PCNX1: variants seen among roughly 807,000 people sequenced by gnomAD.
PCNX1 encodes pecanex 1.
PCNX1 carries 78 observed loss-of-function variants against 242.2 expected under a neutral mutation model. The ratio of observed to expected loss-of-function variants is 0.32; its 90% CI spans 0.27 to 0.39. PCNX1 has a LOEUF of 0.39. Ranked by LOEUF, PCNX1 falls within the 10% of genes least tolerant of loss-of-function variation. PCNX1 has a pLI of 1.00. For synonymous variants in PCNX1, 1,024 were observed against 1,032.9 expected (o/e 0.99, Z 0.17); for missense variants, 2,581 against 2,856.5 (o/e 0.90, Z 2.20).
intron 13 of PCNX1, among the ~76,000 whole-genome samples, 196 bp downstream of exon 13, chr14:71,023,428 T>C (rs188797700): frequency 6.6e-6 from 1 of 152,234 alleles, no homozygotes; most frequent in African/African-American, 2.4e-5. Flanking sequence ...AAAATGACAT[T>C]GTACTTGTGG....
At chr14:71,055,793 A>G (rs1261968712) in intron 25 of PCNX1, among the ~76,000 whole-genome samples, 2 of 152,242 alleles carry the variant, frequency 1.3e-5, no homozygotes, top group Non-Finnish European at 2.9e-5. Flanking sequence ...TAAGAATGAA[A>G]AATTCCATTC....
At chr14:70,996,179 T>C (rs1035589945) in intron 8 of PCNX1, among the ~76,000 whole-genome samples, 4 of 152,134 alleles carry the variant, frequency 2.6e-5, no homozygotes, top group African/African-American at 9.7e-5. Flanking sequence ...TAATATATGT[T>C]CACACTCAAT....
intron 1 of PCNX1, among the ~76,000 whole-genome samples, chr14:70,926,087 C>T (rs2056581587): frequency 6.6e-6 from 1 of 152,074 alleles, no homozygotes; most frequent in South Asian, 2.1e-4. Flanking sequence ...CCTTCTTGAC[C>T]AACATATTAT....
In PCNX1 at chr14:71,047,738, T is replaced by A. The variant is rs1206505588; in HGVS notation, c.4161-69T>A. 6.1e-6 allele frequency: 8 copies of A among 1,313,594 alleles called. No individual in the cohort carries two copies. The Admixed American group carries it at 1.7e-4, about 28-fold the overall frequency. 81.4% of individuals were successfully genotyped at this position (1,313,594 alleles called of 1,614,324 possible). On this transcript the variant is annotated intron_variant, in intron 21 of 35. Transcript: ENST00000304743. The stretch of plus-strand genomic sequence containing the variant: ...AGCTTAGTAAAGTAAATGGTGAATT[T>A]TATTTTAAGTTACTGTCTCTTCTAA...
rs76961858 is a variant in PCNX1, at chr14:70,907,669, C to T, written c.-182C>T. On this transcript the variant is annotated 5_prime_UTR_variant, in exon 1 of 36. Coordinates refer to ENST00000304743, the MANE Select transcript of PCNX1 (RefSeq NM_014982.3). The stretch of plus-strand genomic sequence containing the variant: ...TCCTCCTCTCGGGTCTCCTCCTCCT[C>T]GTTTGCTGCCTCCTCCTCCTCCTGC... 0.017 allele frequency: 10,763 copies of T among 644,952 alleles called. 352 individuals carry two copies. Among genetic ancestry groups the T allele is most frequent in the African/African-American group, 0.11 (5,800 of 51,582 alleles). The allele number at this position is 644,952 out of a possible 1,614,324, so 40.0% of individuals were successfully genotyped here.
In PCNX1 at chr14:70,924,029, G is replaced by A. The variant is rs118132876; in HGVS notation, c.153+16026G>A. 6.7e-3 allele frequency among the ~76,000 whole-genome samples: 1,015 copies of A among 152,072 alleles called. 12 individuals carry two copies. The highest frequency in any genetic ancestry group is 8.3e-3 in the Non-Finnish European group (563 of 67,952). On this transcript the variant is annotated intron_variant, in intron 1 of 35. Transcript: ENST00000304743. ...GCAGATTGCTTGAGTCCAGGAGTTC[G>A]AGACTAGCCTGGGCTCTATGGGGAA...
At chr14:70,952,693 T>C (rs953854125) in intron 2 of PCNX1, among the ~76,000 whole-genome samples, 3 of 152,164 alleles carry the variant, frequency 2.0e-5, no homozygotes, top group African/African-American at 7.2e-5. Context: ...GAATAGACCA[T>C]AGTCTATTTA....
Position 71,108,693 on chromosome 14 carries a change from T to C in PCNX1, c.6391T>C (p.Tyr2131His), listed in dbSNP as rs2062688232. 4 of 1,614,116 alleles carry C rather than the reference T, an allele frequency of 2.5e-6. No individual in the cohort carries two copies. The highest frequency in any genetic ancestry group is 2.7e-5 in the African/African-American group (2 of 74,948). Residue 2131 changes from tyrosine (Y) to histidine (H), a missense_variant, in exon 34 of 36, where the codon TAT becomes CAT. Tyr to His is a moderately conservative substitution (Grantham distance 83). Coordinates refer to ENST00000304743, the MANE Select transcript of PCNX1 (RefSeq NM_014982.3). ...ASVASQSSYC[Y>H]SSRHSSLRMS... ...AGTAGCCAGCCAGTCTTCCTACTGCTATAGCAGCCGGCATTCATCCCTCCG... is the reference window on the plus strand; with the variant it reads ...AGTAGCCAGCCAGTCTTCCTACTGCCATAGCAGCCGGCATTCATCCCTCCG...
intron 24 of PCNX1, among the ~76,000 whole-genome samples, chr14:71,052,477 T>TGTTA (rs1469915183): frequency 6.6e-6 from 1 of 152,204 alleles, no homozygotes; most frequent in East Asian, 1.9e-4. Context: ...CCTCCCAAAG[T>TGTTA]GTTAGGATCA....
rs771015096 is a variant in PCNX1 at position 70,988,641 on chromosome 14, C to T, written c.2386C>T (p.Arg796Trp). 4 of 1,614,054 alleles carry T rather than the reference C, an allele frequency of 2.5e-6. No homozygotes were observed. The South Asian group carries it at 3.3e-5, about 13-fold the overall frequency. Residue 796 changes from arginine to tryptophan, a missense_variant, in exon 7 of 36, where the codon CGG (arginine) becomes TGG (tryptophan). By Grantham distance (101) the Arg-to-Trp change is moderately radical. Transcript: ENST00000304743. ...STFRRQAVRRRHNAGSNPTPP... is the reference protein window; with the variant it reads ...STFRRQAVRRWHNAGSNPTPP... ...ATTTAGGCGCCAGGCAGTACGGCGCCGGCACAATGCAGGGAGTAACCCTAC... is the reference window on the plus strand; with the variant it reads ...ATTTAGGCGCCAGGCAGTACGGCGCTGGCACAATGCAGGGAGTAACCCTAC...
At position 70,984,363 on chromosome 14, in the gene PCNX1, T is replaced by C. The variant is rs374279535; in HGVS notation, c.2312-4204T>C. ...AGTGACTTATTACATATTATTTCTT[T>C]CATAAATTAATCAGGTATATGATTG... On this transcript the variant is annotated intron_variant, in intron 6 of 35. Coordinates refer to ENST00000304743, the MANE Select transcript of PCNX1 (RefSeq NM_014982.3). Among the ~76,000 whole-genome samples the C allele has an allele frequency of 3.5e-3, 537 of 151,580 alleles. 2 individuals carry two copies. The highest frequency in any genetic ancestry group is 0.012 in the African/African-American group (517 of 41,496).
intron 30 of PCNX1, among the ~76,000 whole-genome samples, chr14:71,090,033 A>T (rs1265692517): frequency 1.3e-5 from 2 of 152,222 alleles, no homozygotes; most frequent in Non-Finnish European, 2.9e-5. Flanking sequence ...TATTATTGCA[A>T]TTCCTGCCTA....
chr14:70,912,582 T>C (rs1199731814), intron 1 of PCNX1, among the ~76,000 whole-genome samples: 1 of 151,862 alleles, frequency 6.6e-6, no homozygotes, highest in African/African-American at 2.4e-5. Flanking sequence ...CACTCTGTCA[T>C]GTTAGTTAAT....
intron 8 of PCNX1, among the ~76,000 whole-genome samples, chr14:71,005,223 C>T (rs1467239355): frequency 1.3e-5 from 2 of 152,152 alleles, no homozygotes; most frequent in African/African-American, 4.8e-5. Flanking sequence ...ATGCAACAGG[C>T]TGGGCGTGGT....
chr14:71,102,362 G>A (rs763138677), intron 31 of PCNX1, 142 bp downstream of exon 31: 84 of 608,380 alleles, frequency 1.4e-4, no homozygotes, highest in South Asian at 3.0e-4. Context: ...GCAGGCTCTC[G>A]ACCTCCCTTT....
intron 1 of PCNX1, among the ~76,000 whole-genome samples, chr14:70,933,086 T>C (rs1380858379): frequency 1.3e-5 from 2 of 152,234 alleles, no homozygotes; most frequent in Admixed American, 6.5e-5. Flanking sequence ...AAATTAATTA[T>C]AATTATTTTG....
chr14:70,969,069 G>C lies in PCNX1; in HGVS notation c.563G>C (p.Gly188Ala). Residue 188 changes from glycine to alanine, a missense_variant, in exon 5 of 36, where the codon GGC becomes GCC. By Grantham distance (60) the Gly-to-Ala change is moderately conservative. Around this residue, in one of 9 missense-constraint regions of PCNX1, gnomAD observed 1,204 missense variants for 1,216.7 expected, o/e 0.99. Coordinates refer to ENST00000304743, the MANE Select transcript of PCNX1 (RefSeq NM_014982.3). The part of the protein sequence containing the change: ...KTSDDISLSL[G>A]QSSSLCKEGS... ...TCTGATGATATCAGTTTAAGTCTGG[G>C]CCAAAGTTCTAGTCTTTGTAAGGAA... 1 of 1,611,052 alleles carries C rather than the reference G, an allele frequency of 6.2e-7. No homozygotes were observed. The highest frequency in any genetic ancestry group is 1.1e-5 in the South Asian group (1 of 91,022).
At chr14:70,927,844 T>A (rs56381228) in intron 1 of PCNX1, among the ~76,000 whole-genome samples, 1 of 152,090 alleles carries the variant, frequency 6.6e-6, no homozygotes, top group East Asian at 1.9e-4. Context: ...CACCTTGGCC[T>A]CCCAAAGTGC....
chr14:70,957,220 C>T (rs1284127047), intron 2 of PCNX1, among the ~76,000 whole-genome samples: 1 of 152,074 alleles, frequency 6.6e-6, no homozygotes, highest in Non-Finnish European at 1.5e-5. Flanking sequence ...AACTCCTGGG[C>T]TCAAGTGATC....
Sources: gnomAD v4.1 joint callset for allele counts (sites outside exome capture counted in the v4.1 genomes callset) on GRCh38, gnomAD v4.1.1 for gene constraint, gnomAD v4.1.1 regional missense constraint, MANE v1.5 for transcripts, NCBI Gene and HGNC (gene_info 2026-07-23, HGNC 2026-07-21) for gene names.